SORCS3: variants seen among roughly 807,000 people sequenced by gnomAD.
SORCS3 encodes the protein sortilin related VPS10 domain containing receptor 3.
A neutral mutation model predicts 146.3 loss-of-function variants in SORCS3; 57 were observed. That is an observed-to-expected ratio of 0.39 (90% CI 0.31 to 0.49). SORCS3 has a LOEUF of 0.49. Ranked by LOEUF, SORCS3 falls within the 20% of genes least tolerant of loss-of-function variation. The probability of loss-of-function intolerance (pLI) is 0.92; values close to 1 mark genes in which losing one functional copy is unlikely to be tolerated. For missense variants in SORCS3, 1,341 were observed against 1,575.5 expected (o/e 0.85, Z 2.52); for synonymous variants, 653 against 618.5 (o/e 1.06, Z -0.83).
At chr10:104,799,160 G>A (rs1023230327) in intron 1 of SORCS3, among the ~76,000 whole-genome samples, 1 of 152,176 alleles carries the variant, frequency 6.6e-6, no homozygotes, top group African/African-American at 2.4e-5. Context: ...TCTAGAACTA[G>A]AATTACCATT....
intron 16 of SORCS3, 54 bp downstream of exon 16, chr10:105,201,307 G>A: frequency 6.4e-7 from 1 of 1,552,672 alleles, no homozygotes; most frequent in Non-Finnish European, 8.7e-7. Flanking sequence ...ACCTGTCTGT[G>A]GGGTGGGGTG....
At chr10:104,673,419 C>CATGTGT (rs112145153) in intron 1 of SORCS3, among the ~76,000 whole-genome samples, 5 of 146,006 alleles carry the variant, frequency 3.4e-5, no homozygotes, top group African/African-American at 1.3e-4. Context: ...TTCTTATTTC[C>CATGTGT]GTGTGTGTGT....
chr10:104,770,285 T>C (rs1055792943), intron 1 of SORCS3, among the ~76,000 whole-genome samples: 3 of 152,148 alleles, frequency 2.0e-5, no homozygotes, highest in Non-Finnish European at 2.9e-5. Flanking sequence ...GGAAACCTCA[T>C]AGAGATGGAA....
chr10:104,701,562 C>T (rs894396736), intron 1 of SORCS3, among the ~76,000 whole-genome samples: 3 of 152,160 alleles, frequency 2.0e-5, no homozygotes, highest in Non-Finnish European at 4.4e-5. Flanking sequence ...GAGATCTAGA[C>T]CATTTTACAA....
intron 4 of SORCS3, among the ~76,000 whole-genome samples, chr10:105,041,410 AAT>A (rs368758574): frequency 7.6e-5 from 11 of 144,284 alleles, no homozygotes; most frequent in Admixed American, 1.4e-4. Flanking sequence ...GATTAAAAAA[AAT>A]ATATATATAT....
intron 5 of SORCS3, among the ~76,000 whole-genome samples, chr10:105,064,267 C>G (rs2055507160): frequency 6.6e-6 from 1 of 152,056 alleles, no homozygotes; most frequent in African/African-American, 2.4e-5. Flanking sequence ...AGTGTAAAAC[C>G]AAGGGATCTA....
intron 3 of SORCS3, among the ~76,000 whole-genome samples, chr10:104,970,072 T>A (rs565667313): frequency 6.6e-6 from 1 of 152,296 alleles, no homozygotes; most frequent in African/African-American, 2.4e-5. Context: ...AGGGGAAAAA[T>A]GACTTCATTG....
chr10:104,863,166 A>T (rs576561157), intron 2 of SORCS3, among the ~76,000 whole-genome samples: 1 of 152,358 alleles, frequency 6.6e-6, no homozygotes, highest in Non-Finnish European at 1.5e-5. Context: ...GGCCCTGTTC[A>T]TAACCAAGGA....
Position 105,222,077 on chromosome 10 carries a change from A to G in SORCS3, c.2735-1039A>G, listed in dbSNP as rs1379356343. Among the ~76,000 whole-genome samples the G allele has an allele frequency of 3.4e-5, 4 of 116,406 alleles. No individual in the cohort carries two copies. The East Asian group carries it at 8.4e-4, about 24-fold the overall frequency. 76.4% of individuals were successfully genotyped at this position (116,406 alleles called of 152,430 possible). ...TTTTTTTTTTTTTTTTTTTTAGTTA[A>G]CATGAAGTTTTGCTCTTGTCGCCCA... On this transcript the variant is annotated intron_variant, in intron 19 of 26. Coordinates refer to ENST00000369701, the MANE Select transcript of SORCS3 (RefSeq NM_014978.3).
intron 6 of SORCS3, among the ~76,000 whole-genome samples, chr10:105,096,458 C>T (rs959159700): frequency 8.5e-5 from 13 of 152,154 alleles, no homozygotes; most frequent in Non-Finnish European, 1.8e-4. Context: ...AAAAAGGACA[C>T]AATCAGCACC....
At chr10:105,189,927 C>T (rs2056505747) in intron 14 of SORCS3, among the ~76,000 whole-genome samples, 2 of 152,220 alleles carry the variant, frequency 1.3e-5, no homozygotes, top group South Asian at 4.1e-4. Context: ...GATGCTTTAG[C>T]CTTTGAGACA....
intron 5 of SORCS3, among the ~76,000 whole-genome samples, chr10:105,084,865 G>C (rs961002472): frequency 3.3e-5 from 5 of 151,866 alleles, no homozygotes; most frequent in African/African-American, 1.2e-4. Context: ...CGAGTAGCTG[G>C]GACTACAGGC....
intron 7 of SORCS3, among the ~76,000 whole-genome samples, chr10:105,139,044 G>T (rs1367589586): frequency 1.3e-5 from 2 of 152,192 alleles, no homozygotes; most frequent in African/African-American, 2.4e-5. Context: ...AATTCAAAAA[G>T]AATAAATAGA....
At chr10:104,932,654 A>G (rs2019219113) in intron 3 of SORCS3, among the ~76,000 whole-genome samples, 3 of 152,090 alleles carry the variant, frequency 2.0e-5, no homozygotes, top group South Asian at 4.2e-4. Context: ...CCTGCTCTAT[A>G]GTGTTAGTTC....
chr10:104,754,828 A>G (rs1190725113), intron 1 of SORCS3, among the ~76,000 whole-genome samples: 2 of 152,218 alleles, frequency 1.3e-5, no homozygotes, highest in Non-Finnish European at 2.9e-5. Flanking sequence ...GTTTACTTGC[A>G]TCTATAAAGA....
intron 9 of SORCS3, among the ~76,000 whole-genome samples, chr10:105,152,656 A>G (rs1356694346): frequency 1.3e-5 from 2 of 152,202 alleles, no homozygotes; most frequent in Non-Finnish European, 2.9e-5. Flanking sequence ...TCAAATTTCT[A>G]TGGGTTAAAA....
intron 3 of SORCS3, among the ~76,000 whole-genome samples, chr10:104,931,704 A>G (rs746859885): frequency 5.3e-5 from 8 of 152,242 alleles, no homozygotes; most frequent in Non-Finnish European, 1.2e-4. Flanking sequence ...AGGCCTGAGA[A>G]TAGTGTTCAG....
chr10:105,221,018 G>A (rs963518895), intron 19 of SORCS3, among the ~76,000 whole-genome samples: 13 of 152,098 alleles, frequency 8.5e-5, no homozygotes, highest in African/African-American at 1.7e-4. Flanking sequence ...AAGGCAGAGC[G>A]CTTTAGGCAG....
At chr10:105,072,137 AT>A (rs1400530501) in intron 5 of SORCS3, among the ~76,000 whole-genome samples, 3 of 152,092 alleles carry the variant, frequency 2.0e-5, no homozygotes, top group Non-Finnish European at 4.4e-5. Context: ...TGCAATTCAA[AT>A]TCTTTATTTA....
Sources: allele counts gnomAD v4.1 joint callset (sites outside exome capture counted in the v4.1 genomes callset), GRCh38; gene constraint gnomAD v4.1.1; transcripts MANE v1.5; gene names NCBI Gene and HGNC (gene_info 2026-07-23, HGNC 2026-07-21).